CSMD1: variants seen among roughly 807,000 people sequenced by gnomAD.
The protein encoded by CSMD1 is CUB and Sushi multiple domains 1.
A neutral mutation model predicts 417.5 loss-of-function variants in CSMD1; 213 were observed. The observed-to-expected ratio is 0.51, with a 90% CI of 0.46 to 0.57. The LOEUF is 0.57. CSMD1 is among the 20% of genes least tolerant of loss of function. The pLI is 0.00. For missense variants in CSMD1, 6,923 were observed against 4,529.7 expected (o/e 1.53, Z -15.17); for synonymous variants, 2,862 against 1,736.8 (o/e 1.65, Z -16.11).
chr8:4,574,361 C>T (rs1799036336), intron 2 of CSMD1, among the ~76,000 whole-genome samples: 1 of 152,146 alleles, frequency 6.6e-6, no homozygotes, highest in African/African-American at 2.4e-5. Flanking sequence ...TTCACGGCTT[C>T]CCTTGGCTAG....
intron 5 of CSMD1, among the ~76,000 whole-genome samples, chr8:3,846,638 C>G (rs760245078): frequency 6.6e-6 from 1 of 152,108 alleles, no homozygotes; most frequent in Non-Finnish European, 1.5e-5. Context: ...CACCTTATTT[C>G]TTTAGCCTAA....
At chr8:4,307,853 G>A (rs562388074) in intron 3 of CSMD1, among the ~76,000 whole-genome samples, 4 of 152,290 alleles carry the variant, frequency 2.6e-5, no homozygotes, top group South Asian at 4.1e-4. Context: ...AAACTCAACA[G>A]AAATCTTCAC....
intron 10 of CSMD1, among the ~76,000 whole-genome samples, chr8:3,520,932 G>C (rs1234490981): frequency 6.6e-6 from 1 of 152,076 alleles, no homozygotes; most frequent in Non-Finnish European, 1.5e-5. Context: ...TGGGATGATT[G>C]TTGGTTCCTC....
chr8:4,336,197 G>C (rs988667777), intron 3 of CSMD1, among the ~76,000 whole-genome samples: 3 of 152,274 alleles, frequency 2.0e-5, no homozygotes, highest in East Asian at 3.9e-4. Context: ...GGTTGACTCA[G>C]GGAATGCAGG....
chr8:3,146,547 G>A (rs999958257), intron 40 of CSMD1, among the ~76,000 whole-genome samples: 2 of 152,188 alleles, frequency 1.3e-5, no homozygotes, highest in East Asian at 1.9e-4. Flanking sequence ...TCATTGGTAG[G>A]ACTAAGATTT....
At chr8:4,141,748 T>A (rs1217641573) in intron 3 of CSMD1, among the ~76,000 whole-genome samples, 4 of 151,018 alleles carry the variant, frequency 2.6e-5, no homozygotes, top group Non-Finnish European at 4.4e-5. Flanking sequence ...ATACAGTGAT[T>A]CATCCCATGC....
chr8:4,544,804 T>C (rs1363486837), intron 2 of CSMD1, among the ~76,000 whole-genome samples: 2 of 152,206 alleles, frequency 1.3e-5, no homozygotes, highest in Non-Finnish European at 2.9e-5. Context: ...AAAACCTGAA[T>C]TAGCTACCTG....
At position 3,615,363 on chromosome 8, in the gene CSMD1, T is replaced by C. The variant is rs113050189; in HGVS notation, c.1097+1347A>G. ...CCTTCTGCTTAGCTCTTTACTCCAATTCTATTCCACTTCCTCTACTCCCCT... is the reference window on the plus strand; with the variant it reads ...CCTTCTGCTTAGCTCTTTACTCCAACTCTATTCCACTTCCTCTACTCCCCT... On this transcript the variant is annotated intron_variant, in intron 8 of 69. Coordinates refer to ENST00000635120, the MANE Select transcript of CSMD1 (RefSeq NM_033225.6). Among the ~76,000 whole-genome samples, 693 of 152,274 alleles carry C rather than the reference T, an allele frequency of 4.6e-3. 4 individuals carry two copies. Among genetic ancestry groups the C allele is most frequent in the African/African-American group, 0.016 (662 of 41,566 alleles).
At chr8:4,595,232 G>C (rs957532056) in intron 2 of CSMD1, among the ~76,000 whole-genome samples, 1 of 151,962 alleles carries the variant, frequency 6.6e-6, no homozygotes, top group Admixed American at 6.6e-5. Flanking sequence ...AAATTGGCTT[G>C]AGTTGGCTAT....
intron 3 of CSMD1, among the ~76,000 whole-genome samples, chr8:4,311,408 C>G (rs980271640): frequency 6.6e-6 from 1 of 152,116 alleles, no homozygotes; most frequent in East Asian, 1.9e-4. Context: ...AACAGAAAAC[C>G]AAATACATGT....
At chr8:3,518,891 G>A (rs528742948) in intron 10 of CSMD1, among the ~76,000 whole-genome samples, 79 of 152,244 alleles carry the variant, frequency 5.2e-4, no homozygotes, top group Non-Finnish European at 9.4e-4. Flanking sequence ...CAGTGAGTCC[G>A]TAAGACACTT....
At chr8:3,255,942 C>T (rs150300240) in intron 26 of CSMD1, among the ~76,000 whole-genome samples, 1 of 152,174 alleles carries the variant, frequency 6.6e-6, no homozygotes, top group African/African-American at 2.4e-5. Flanking sequence ...CAGAAATCAC[C>T]CATCTTCTGC....
chr8:3,928,960 T>G (rs1188034108), intron 5 of CSMD1, among the ~76,000 whole-genome samples: 1 of 150,498 alleles, frequency 6.6e-6, no homozygotes, highest in Non-Finnish European at 1.5e-5. Context: ...TGCTGTGGTT[T>G]TGTGTGCTAA....
chr8:3,030,012 A>G (rs946244491), intron 50 of CSMD1, among the ~76,000 whole-genome samples: 3 of 152,100 alleles, frequency 2.0e-5, no homozygotes, highest in African/African-American at 4.8e-5. Context: ...ATGTAGAAAC[A>G]CACAGAAATA....
chr8:3,604,127 T>C (rs889320947), intron 8 of CSMD1, among the ~76,000 whole-genome samples: 2 of 152,128 alleles, frequency 1.3e-5, no homozygotes, highest in Non-Finnish European at 2.9e-5. Flanking sequence ...ACTGGAAACA[T>C]GATAGTGAAT....
chr8:3,407,451 A>AG, intron 14 of CSMD1, among the ~76,000 whole-genome samples: 2 of 151,786 alleles, frequency 1.3e-5, no homozygotes, highest in Non-Finnish European at 2.9e-5. Flanking sequence ...ATGGATGGAA[A>AG]GATGGATGGA....
At chr8:4,899,739 T>C (rs1804742511) in intron 1 of CSMD1, among the ~76,000 whole-genome samples, 1 of 152,194 alleles carries the variant, frequency 6.6e-6, no homozygotes, top group South Asian at 2.1e-4. Context: ...CTTTTTCTTG[T>C]GGGAAAAGAA....
chr8:3,968,388 C>A (rs967838372), intron 5 of CSMD1, among the ~76,000 whole-genome samples: 1 of 152,180 alleles, frequency 6.6e-6, no homozygotes, highest in African/African-American at 2.4e-5. Flanking sequence ...AGTGTGGTCA[C>A]TGAGCACGGC....
intron 2 of CSMD1, among the ~76,000 whole-genome samples, chr8:4,580,060 T>C (rs942544902): frequency 2.0e-5 from 3 of 152,220 alleles, no homozygotes; most frequent in African/African-American, 7.2e-5. Context: ...TGAGTGTGTT[T>C]CTCTGCTTTT....
Sources: gnomAD v4.1 joint callset for allele counts (sites outside exome capture counted in the v4.1 genomes callset) on GRCh38, gnomAD v4.1.1 for gene constraint, MANE v1.5 for transcripts, NCBI Gene and HGNC (gene_info 2026-07-23, HGNC 2026-07-21) for gene names.